Variants in CERK observed in about 807,000 individuals in gnomAD.
The protein encoded by CERK is ceramide kinase.
Under a neutral mutation model 63.4 loss-of-function variants are expected in CERK, and 39 were observed. The ratio of observed to expected loss-of-function variants is 0.61; its 90% CI spans 0.48 to 0.80. The LOEUF (loss-of-function observed/expected upper bound fraction) is 0.80, where lower values mean the gene tolerates loss of function less well. Ranked by LOEUF, CERK falls within the 30% of genes least tolerant of loss-of-function variation. CERK has a pLI of 0.00. For synonymous variants in CERK, 302 were observed against 280.0 expected, an observed-to-expected ratio of 1.08 and a Z score of -0.78; for missense variants, 670 against 714.1, an observed-to-expected ratio of 0.94 and a Z score of 0.70.
At chr22:46,711,649 CGTT>C (rs1198013293) in intron 4 of CERK, among the ~76,000 whole-genome samples, 4 of 152,210 alleles carry the variant, frequency 2.6e-5, no homozygotes, top group African/African-American at 7.2e-5. Context: ...TGTCCAGAAT[CGTT>C]GCCCTTTTAT....
intron 1 of CERK, among the ~76,000 whole-genome samples, chr22:46,724,171 T>G (rs988917347): frequency 6.6e-6 from 1 of 152,226 alleles, no homozygotes; most frequent in African/African-American, 2.4e-5. Context: ...TTTGTAATGA[T>G]CCACTTCCAC....
Position 46,701,645 on chromosome 22 carries a change from T to C in CERK, c.781A>G (p.Ile261Val). 3 of 1,557,718 alleles carry C rather than the reference T, an allele frequency of 1.9e-6. No individual in the cohort carries two copies. Among genetic ancestry groups the C allele is most frequent in the South Asian group, 2.4e-5 (2 of 84,362 alleles). ...CAGAGGAGGGGCTCACCAACAACGA[T>C]ATGCAGCGCCGAGGTTTCTGCGTCG... ...TSDAETSALH[I>V]VVGDSLAMDV... The change falls in exon 7 of 13, where the codon ATC becomes GTC. Residue 261 changes from isoleucine (I) to valine (V), a missense_variant. Physicochemically the swap from Ile to Val is conservative, Grantham distance 29. Coordinates refer to ENST00000216264, the MANE Select transcript of CERK (RefSeq NM_022766.6).
At chr22:46,725,180 C>T (rs556766767) in intron 1 of CERK, among the ~76,000 whole-genome samples, 2 of 152,326 alleles carry the variant, frequency 1.3e-5, no homozygotes, top group East Asian at 1.9e-4. Context: ...TCCTGCTCTC[C>T]TCACCTCGGT....
intron 5 of CERK, among the ~76,000 whole-genome samples, chr22:46,709,421 G>A (rs538425554): frequency 3.9e-5 from 6 of 152,302 alleles, no homozygotes; most frequent in East Asian, 1.9e-4. Context: ...AGCTGCCATC[G>A]GGTGGAGTTG....
chr22:46,690,813 C>T (rs1227637456), intron 11 of CERK, among the ~76,000 whole-genome samples: 1 of 152,116 alleles, frequency 6.6e-6, no homozygotes, highest in East Asian at 1.9e-4. Context: ...TTTTCAGTGG[C>T]CTGCAAGGGC....
Position 46,714,155 on chromosome 22 carries a change from C to T in CERK, c.380-1862G>A, listed in dbSNP as rs1012192305. ...GAATGGTGGCAAGCACCTGTAATTC[C>T]AGCTGCTCAGGAGGCTGAGGCAGGA... is the stretch of plus-strand genomic sequence containing the variant. On this transcript the variant is annotated intron_variant, in intron 3 of 12. Coordinates refer to ENST00000216264, the MANE Select transcript of CERK (RefSeq NM_022766.6). The surrounding 1 kb of genome is among the most constrained non-coding windows in gnomAD (Gnocchi z 4.4). 2.6e-5 allele frequency among the ~76,000 whole-genome samples: 4 copies of T among 152,208 alleles called. No individual in the cohort carries two copies. Among genetic ancestry groups the T allele is most frequent in the Non-Finnish European group, 5.9e-5 (4 of 68,038 alleles).
chr22:46,731,344 C>T (rs2082944337), intron 1 of CERK, among the ~76,000 whole-genome samples: 1 of 152,222 alleles, frequency 6.6e-6, no homozygotes, highest in Non-Finnish European at 1.5e-5. Context: ...AAGGAAGCAC[C>T]TCCACCCCCC....
intron 5 of CERK, among the ~76,000 whole-genome samples, chr22:46,708,754 G>A (rs1042392567): frequency 6.6e-6 from 1 of 152,198 alleles, no homozygotes; most frequent in South Asian, 2.1e-4. Flanking sequence ...GCAGCCCAGA[G>A]GGAAGGCAGA....
chr22:46,701,223 C>T (rs997525953), intron 7 of CERK, among the ~76,000 whole-genome samples: 2 of 152,210 alleles, frequency 1.3e-5, no homozygotes, highest in African/African-American at 4.8e-5. Context: ...CGAGGCCTCA[C>T]AGAGGCATGC....
chr22:46,700,606 A>C (rs1260584578), intron 7 of CERK, among the ~76,000 whole-genome samples: 1 of 152,104 alleles, frequency 6.6e-6, no homozygotes, highest in Admixed American at 6.6e-5. Context: ...TCAGCTACTT[A>C]GAAGACTGAG....
chr22:46,686,851 A>G lies in CERK; in HGVS notation c.*283T>C, dbSNP rs893453036. On this transcript the variant is annotated 3_prime_UTR_variant, in exon 13 of 13. Coordinates refer to ENST00000216264, the MANE Select transcript of CERK (RefSeq NM_022766.6). ...CCACTAACGGGCCATTTTCTAAACT[A>G]CACTGTTGACATCGTTAAAACCTAA... 7 of 407,764 alleles carry G rather than the reference A, an allele frequency of 1.7e-5. No homozygotes were observed. Among genetic ancestry groups the G allele is most frequent in the Admixed American group, 1.5e-4 (4 of 26,184 alleles). The allele number at this position is 407,764 out of a possible 1,614,324, so 25.3% of individuals were successfully genotyped here. A position where few individuals can be genotyped will look rare whatever the true frequency, so the allele number is the denominator to read the frequency against.
rs1478998917 is a variant in CERK at position 46,691,820 on chromosome 22, G to A, written c.1127-43C>T. ...ACGGAGATGTCACAGTTACAATGGCGCCGGGCAGCGCCCTGCACCAGGACG... is the reference window on the plus strand; with the variant it reads ...ACGGAGATGTCACAGTTACAATGGCACCGGGCAGCGCCCTGCACCAGGACG... On this transcript the variant is annotated intron_variant, in intron 10 of 12. Coordinates refer to ENST00000216264, the MANE Select transcript of CERK (RefSeq NM_022766.6). The A allele has an allele frequency of 1.7e-5, 27 of 1,545,696 alleles. No individual in the cohort carries two copies. The African/African-American group carries it at 2.0e-4, about 12-fold the overall frequency.
rs569709621 is a variant in CERK at position 46,687,302 on chromosome 22, G to A, written c.1542-96C>T. On this transcript the variant is annotated intron_variant, in intron 12 of 12. Transcript: ENST00000216264. Reference sequence around the variant, plus strand: ...GGACAGGGGCTGCAGTAAACCCCACGTGTCCCTCACTCAAAGCTGGCCCTG... The same window carrying A: ...GGACAGGGGCTGCAGTAAACCCCACATGTCCCTCACTCAAAGCTGGCCCTG... 1.4e-4 allele frequency: 68 copies of A among 479,240 alleles called. 1 individual carries two copies. Among genetic ancestry groups the A allele is most frequent in the Admixed American group, 6.0e-4 (13 of 21,706 alleles). 29.7% of individuals were successfully genotyped at this position (479,240 alleles called of 1,614,324 possible).
chr22:46,702,537 C>T (rs997523862), intron 6 of CERK, among the ~76,000 whole-genome samples: 7 of 152,158 alleles, frequency 4.6e-5, no homozygotes, highest in Admixed American at 1.3e-4. Flanking sequence ...GTGATCCGCC[C>T]GCCTTGGCCT....
intron 6 of CERK, among the ~76,000 whole-genome samples, chr22:46,703,458 C>G (rs924591031): frequency 6.6e-6 from 1 of 152,156 alleles, no homozygotes; most frequent in Admixed American, 6.5e-5. Context: ...CACCACCGGC[C>G]GTGCGCATCC....
At chr22:46,698,794 G>A (rs2082768911) in intron 8 of CERK, among the ~76,000 whole-genome samples, 1 of 152,110 alleles carries the variant, frequency 6.6e-6, no homozygotes. Flanking sequence ...CCAGCTACTC[G>A]GGAGGCTGAG....
chr22:46,702,499 G>A (rs1223100042), intron 6 of CERK, among the ~76,000 whole-genome samples: 2 of 152,080 alleles, frequency 1.3e-5, no homozygotes, highest in Non-Finnish European at 2.9e-5. Flanking sequence ...CACCATGATG[G>A]CCAGGCTGGT....
At chr22:46,723,947 C>T (rs2082905338) in intron 1 of CERK, among the ~76,000 whole-genome samples, 2 of 152,138 alleles carry the variant, frequency 1.3e-5, no homozygotes, top group Non-Finnish European at 1.5e-5. Flanking sequence ...ATCTGCCCGC[C>T]TCGGCCTCCC....
intron 3 of CERK, among the ~76,000 whole-genome samples, chr22:46,716,768 C>G (rs114473710): frequency 0.031 from 4,659 of 151,420 alleles, 245 homozygotes; most frequent in African/African-American, 0.11. Context: ...GCAAAACCCC[C>G]TCTCTACTAA....
Sources: allele counts gnomAD v4.1 joint callset (sites outside exome capture counted in the v4.1 genomes callset), GRCh38; gene constraint gnomAD v4.1.1; non-coding constraint Gnocchi (gnomAD v3.1); transcripts MANE v1.5; gene names NCBI Gene and HGNC (gene_info 2026-07-23, HGNC 2026-07-21).